CSMD1: variants seen among roughly 807,000 people sequenced by gnomAD.
CSMD1 encodes CUB and sushi domain-containing protein 1.
A neutral mutation model predicts 417.5 loss-of-function variants in CSMD1; 213 were observed. The ratio of observed to expected loss-of-function variants is 0.51; its 90% CI spans 0.46 to 0.57. The LOEUF is 0.57. Ranked by LOEUF, CSMD1 falls within the 20% of genes least tolerant of loss-of-function variation. CSMD1 has a pLI of 0.00. For synonymous variants in CSMD1, 2,862 were observed against 1,736.8 expected, an observed-to-expected ratio of 1.65 and a Z score of -16.11; for missense variants, 6,923 against 4,529.7, an observed-to-expected ratio of 1.53 and a Z score of -15.17.
rs566846830 is a variant in CSMD1 at position 4,733,321 on chromosome 8, A to T, written c.86-95763T>A. On this transcript the variant is annotated intron_variant, in intron 1 of 69. Transcript: ENST00000635120. ...AAATGTTGCCCTCAAAGCAAGCACA[A>T]ATTAGCCATGCCAATGACCCTAACT... Among the ~76,000 whole-genome samples, 47 of 152,328 alleles carry T rather than the reference A, an allele frequency of 3.1e-4. No individual in the cohort carries two copies. The South Asian group carries it at 9.7e-3, about 32-fold the overall frequency.
At chr8:3,403,044 C>A (rs749991083) in intron 15 of CSMD1, among the ~76,000 whole-genome samples, 6 of 151,990 alleles carry the variant, frequency 3.9e-5, no homozygotes, top group Non-Finnish European at 7.4e-5. Flanking sequence ...TTATAGTGGA[C>A]TTTTTATGGA....
intron 6 of CSMD1, among the ~76,000 whole-genome samples, chr8:3,727,684 T>A: frequency 6.6e-6 from 1 of 152,200 alleles, no homozygotes; most frequent in East Asian, 1.9e-4. Flanking sequence ...AAAACAGCAT[T>A]ATTTACAATA....
At chr8:4,561,384 A>G (rs1798323591) in intron 2 of CSMD1, among the ~76,000 whole-genome samples, 1 of 152,170 alleles carries the variant, frequency 6.6e-6, no homozygotes, top group Non-Finnish European at 1.5e-5. Flanking sequence ...AAAACAAAAC[A>G]AAACAAAAAA....
In CSMD1 at chr8:4,319,586, A is replaced by C. The variant is rs975303770; in HGVS notation, c.415+100367T>G. ...AATTGTTGGCTGTTGAATAACAGGA[A>C]ATACAGAGTGGTGATTCCTGAGAGA... is the stretch of plus-strand genomic sequence containing the variant. On this transcript the variant is annotated intron_variant, in intron 3 of 69. Transcript: ENST00000635120. 2.0e-5 allele frequency among the ~76,000 whole-genome samples: 3 copies of C among 152,166 alleles called. No homozygotes were observed. The South Asian group carries it at 6.2e-4, about 31-fold the overall frequency.
intron 11 of CSMD1, among the ~76,000 whole-genome samples, chr8:3,480,075 G>A (rs916858196): frequency 1.3e-5 from 2 of 151,996 alleles, no homozygotes; most frequent in African/African-American, 2.4e-5. Context: ...AAATGGAAAA[G>A]GGGCCGGGAG....
chr8:3,283,530 G>C (rs1802900286), intron 26 of CSMD1, among the ~76,000 whole-genome samples: 1 of 143,562 alleles, frequency 7.0e-6, no homozygotes, highest in Non-Finnish European at 1.5e-5. Context: ...CTTTGATACT[G>C]ACAGTGTTCA....
intron 46 of CSMD1, among the ~76,000 whole-genome samples, chr8:3,105,802 CG>C (rs1281889002): frequency 2.6e-5 from 4 of 152,104 alleles, no homozygotes; most frequent in African/African-American, 7.2e-5. Flanking sequence ...AAAAATATAG[CG>C]TAGCTTAATA....
intron 3 of CSMD1, among the ~76,000 whole-genome samples, chr8:4,208,444 C>G (rs868008363): frequency 2.6e-5 from 4 of 152,224 alleles, no homozygotes; most frequent in South Asian, 2.1e-4. Flanking sequence ...TTCAAAATTT[C>G]TTTGGCTATA....
At chr8:4,274,350 T>A (rs1036180007) in intron 3 of CSMD1, among the ~76,000 whole-genome samples, 3 of 152,178 alleles carry the variant, frequency 2.0e-5, no homozygotes, top group Non-Finnish European at 2.9e-5. Context: ...TTTTTACGTT[T>A]CACTTTTCTA....
intron 5 of CSMD1, among the ~76,000 whole-genome samples, chr8:3,935,096 A>C (rs975239362): frequency 6.6e-6 from 1 of 152,142 alleles, no homozygotes; most frequent in African/African-American, 2.4e-5. Context: ...CTAATACTTA[A>C]AACAACATGC....
chr8:4,472,709 G>A (rs757555438), intron 2 of CSMD1, among the ~76,000 whole-genome samples: 1 of 151,742 alleles, frequency 6.6e-6, no homozygotes, highest in Non-Finnish European at 1.5e-5. Flanking sequence ...GAGCATATTA[G>A]GTGTAAACAG....
At chr8:2,962,930 C>T (rs1040050781) in intron 60 of CSMD1, among the ~76,000 whole-genome samples, 2 of 152,104 alleles carry the variant, frequency 1.3e-5, no homozygotes, top group African/African-American at 4.8e-5. Context: ...CACCTGTAGT[C>T]CCAGCTACTC....
In CSMD1 at chr8:4,031,987, G is replaced by A. The variant is rs1225488985; in HGVS notation, c.528C>T (p.Ile176=). Residue 176 remains isoleucine, a synonymous_variant, in exon 4 of 70, where the codon ATC becomes ATT. Transcript: ENST00000635120. ...AGGTCAGGATGGCGTGGCCTTCCAAGATGTAGCCAGGGAGGCAGCTGTACC... is the reference window on the plus strand; with the variant it reads ...AGGTCAGGATGGCGTGGCCTTCCAAAATGTAGCCAGGGAGGCAGCTGTACC... The part of the protein sequence containing the change: ...KIRYSCLPGY[I]LEGHAILTCI... The A allele has an allele frequency of 8.7e-6, 14 of 1,613,968 alleles. No homozygotes were observed. Among genetic ancestry groups the A allele is most frequent in the Non-Finnish European group, 1.1e-5 (13 of 1,179,878 alleles).
In CSMD1 at chr8:3,408,109, G is replaced by A. The variant is rs1812463694; in HGVS notation, c.1861C>T (p.Arg621Ter). The A allele has an allele frequency of 6.2e-7, 1 of 1,613,756 alleles. No homozygotes were observed. Among genetic ancestry groups the A allele is most frequent in the Non-Finnish European group, 8.5e-7 (1 of 1,179,840 alleles). Residue 621 changes from arginine to a stop codon, truncating the protein, a stop_gained, in exon 14 of 70, where the codon CGA (arginine) becomes TGA (stop). Coordinates refer to ENST00000635120, the MANE Select transcript of CSMD1 (RefSeq NM_033225.6). LOFTEE classifies it high-confidence loss of function. The stretch of plus-strand genomic sequence containing the variant: ...AAATCATTAAAGATTAGGTGAATTC[G>A]ACTTCCTGGCTCCGAGATAATCAAC... ...VWLIISEPGSRIHLIFNDFDV... is the reference protein window; with the variant it reads ...VWLIISEPGS
At chr8:3,915,700 A>G (rs1384485530) in intron 5 of CSMD1, among the ~76,000 whole-genome samples, 1 of 151,278 alleles carries the variant, frequency 6.6e-6, no homozygotes, top group Non-Finnish European at 1.5e-5. Context: ...TATCTCTGTT[A>G]TAATTTATTG....
At chr8:3,825,306 G>C (rs943507579) in intron 5 of CSMD1, among the ~76,000 whole-genome samples, 1 of 152,138 alleles carries the variant, frequency 6.6e-6, no homozygotes, top group Non-Finnish European at 1.5e-5. Flanking sequence ...GCGACAGGTG[G>C]ATCGCTGGAT....
In CSMD1 at chr8:4,187,676, C is replaced by CAAAAAA. The variant is rs34858860; in HGVS notation, c.416-155583_416-155578dup. ...GGGCAACAAGAGTGAAACTCCGTCT[C>CAAAAAA]AAAAAAAAAAAAAAAAAAGCATTCA... is the stretch of plus-strand genomic sequence containing the variant. On this transcript the variant is annotated intron_variant, in intron 3 of 69. Coordinates refer to ENST00000635120, the MANE Select transcript of CSMD1 (RefSeq NM_033225.6). Among the ~76,000 whole-genome samples, 781 of 88,108 alleles carry CAAAAAA rather than the reference C, an allele frequency of 8.9e-3. 54 individuals are homozygous for CAAAAAA. Among genetic ancestry groups the CAAAAAA allele is most frequent in the Non-Finnish European group, 0.012 (575 of 49,058 alleles). The allele number at this position is 88,108 out of a possible 152,430, so 57.8% of individuals were successfully genotyped here.
rs1796233080 is a variant in CSMD1, at chr8:3,493,680, T to G, written c.1391A>C (p.Asp464Ala). Residue 464 changes from aspartate (D) to alanine (A), a missense_variant, in exon 11 of 70, where the codon GAC becomes GCC. Physicochemically the swap from Asp to Ala is moderately radical, Grantham distance 126. Transcript: ENST00000635120. ...CCCAGCATCACCAACCGTCAGGGTGTCATAGCCTCGCTCCAGCTCAAACTC... is the reference window on the plus strand; with the variant it reads ...CCCAGCATCACCAACCGTCAGGGTGGCATAGCCTCGCTCCAGCTCAAACTC... ...FEEFELERGY[D>A]TLTVGDAGKV... 6.2e-7 allele frequency: 1 copy of G among 1,612,226 alleles called. No homozygotes were observed. Among genetic ancestry groups the G allele is most frequent in the African/African-American group, 1.3e-5 (1 of 74,894 alleles).
intron 7 of CSMD1, among the ~76,000 whole-genome samples, chr8:3,706,328 T>C (rs187936934): frequency 6.6e-6 from 1 of 152,236 alleles, no homozygotes; most frequent in Non-Finnish European, 1.5e-5. Flanking sequence ...ATTGAATGCT[T>C]GCCTGTCGCT....
Sources: allele counts gnomAD v4.1 joint callset (sites outside exome capture counted in the v4.1 genomes callset), GRCh38; gene constraint gnomAD v4.1.1; transcripts MANE v1.5; gene names NCBI Gene and HGNC (gene_info 2026-07-23, HGNC 2026-07-21).